Variants in NCALD observed in about 807,000 individuals in gnomAD.
NCALD encodes the protein neurocalcin-delta.
Under a neutral mutation model 18.6 loss-of-function variants are expected in NCALD, and 10 were observed. The ratio of observed to expected loss-of-function variants is 0.54; its 90% CI spans 0.33 to 0.91. The LOEUF (loss-of-function observed/expected upper bound fraction) is 0.91. Among genes scored for constraint, NCALD ranks in the 40% least tolerant of loss-of-function variants. The probability of loss-of-function intolerance (pLI) is 0.03; values close to 1 mark genes in which losing one functional copy is unlikely to be tolerated. For missense variants in NCALD, 184 were observed against 247.6 expected (o/e 0.74, Z 1.72); for synonymous variants, 88 against 87.4 (o/e 1.01, Z -0.04).
chr8:102,011,449 C>T (rs1048818294), intron 2 of NCALD, among the ~76,000 whole-genome samples: 1 of 152,174 alleles, frequency 6.6e-6, no homozygotes, highest in African/African-American at 2.4e-5. Context: ...CCCAGCTAGG[C>T]TGTAAGTTTC....
At chr8:102,046,491 C>A (rs1823244659) in intron 1 of NCALD, among the ~76,000 whole-genome samples, 1 of 152,062 alleles carries the variant, frequency 6.6e-6, no homozygotes, top group South Asian at 2.1e-4. Flanking sequence ...ATTCATCTCA[C>A]AATCAGTATT....
intron 3 of NCALD, chr8:101,690,561 A>C (rs896326338): frequency 1.0e-6 from 1 of 985,396 alleles, no homozygotes; most frequent in Non-Finnish European, 1.2e-6. Flanking sequence ...TCCAAACCTG[A>C]CAGGAGGGGG....
At chr8:101,998,846 T>C (rs1447396534) in intron 2 of NCALD, among the ~76,000 whole-genome samples, 1 of 152,168 alleles carries the variant, frequency 6.6e-6, no homozygotes, top group Non-Finnish European at 1.5e-5. Context: ...GATAAAGGTG[T>C]CCCTTTCCTG....
intron 2 of NCALD, among the ~76,000 whole-genome samples, chr8:101,924,183 G>A (rs1248649836): frequency 6.6e-6 from 1 of 152,082 alleles, no homozygotes; most frequent in Non-Finnish European, 1.5e-5. Flanking sequence ...AGATAAAAAT[G>A]GCTTTGAAAA....
chr8:102,028,617 G>A (rs1033991373), intron 1 of NCALD, among the ~76,000 whole-genome samples: 1 of 152,150 alleles, frequency 6.6e-6, no homozygotes, highest in Non-Finnish European at 1.5e-5. Context: ...AACTAATCTG[G>A]TTAGCATTTC....
Position 101,988,869 on chromosome 8 carries a change from C to T in NCALD, c.-157+31368G>A, listed in dbSNP as rs1295878374. On this transcript the variant is annotated intron_variant, in intron 2 of 6. Coordinates refer to the NCALD transcript ENST00000311028. ...GTTGCATGGGCCTTGGGGAAGATGG[C>T]TGGATAAATGAGCTAGACAGCAGGT... Among the ~76,000 whole-genome samples the T allele has an allele frequency of 8.3e-5, 10 of 120,998 alleles. 1 individual carries two copies. The Admixed American group carries it at 9.8e-4, about 12-fold the overall frequency. The allele number at this position is 120,998 out of a possible 152,430, so 79.4% of individuals were successfully genotyped here.
At chr8:102,114,107 C>T (rs552837397) in intron 1 of NCALD, among the ~76,000 whole-genome samples, 151 of 152,332 alleles carry the variant, frequency 9.9e-4, no homozygotes, top group South Asian at 1.9e-3. Flanking sequence ...CTCAAAACAG[C>T]CCTGTAAGTG....
intron 1 of NCALD, among the ~76,000 whole-genome samples, chr8:102,100,550 G>A (rs901697395): frequency 6.6e-6 from 1 of 152,250 alleles, no homozygotes; most frequent in Non-Finnish European, 1.5e-5. Context: ...GGAAATTTTT[G>A]AGAAAATCGT....
intron 2 of NCALD, among the ~76,000 whole-genome samples, chr8:101,924,370 C>T (rs2131668591): frequency 6.6e-6 from 1 of 152,286 alleles, no homozygotes; most frequent in Non-Finnish European, 1.5e-5. Context: ...CATTGAGCGG[C>T]ACAGTATATT....
rs758174055 is a variant in NCALD at position 102,116,706 on chromosome 8, C to T, written c.-210+7531G>A. Among the ~76,000 whole-genome samples, 7 of 151,960 alleles carry T rather than the reference C, an allele frequency of 4.6e-5. 1 individual carries two copies. Among genetic ancestry groups the T allele is most frequent in the Non-Finnish European group, 1.0e-4 (7 of 68,008 alleles). ...ATTTTTTGGTAGAGATGGGGTCTCACCTTGTTGGCCAGGCTGTTTTTGAAC... is the reference window on the plus strand; with the variant it reads ...ATTTTTTGGTAGAGATGGGGTCTCATCTTGTTGGCCAGGCTGTTTTTGAAC... On this transcript the variant is annotated intron_variant, in intron 1 of 6. Coordinates refer to the NCALD transcript ENST00000311028.
At chr8:102,022,173 G>A (rs951035729) in intron 1 of NCALD, among the ~76,000 whole-genome samples, 1 of 152,004 alleles carries the variant, frequency 6.6e-6, no homozygotes, top group Non-Finnish European at 1.5e-5. Flanking sequence ...CCCATTGATG[G>A]GATCCATGGA....
At chr8:101,758,206 C>A (rs1810965537) in intron 1 of NCALD, among the ~76,000 whole-genome samples, 1 of 152,174 alleles carries the variant, frequency 6.6e-6, no homozygotes, top group Non-Finnish European at 1.5e-5. Context: ...GCTTTGTAAT[C>A]TGGCCCCAGC....
chr8:101,711,431 A>T lies in NCALD; in HGVS notation c.378+7821T>A, dbSNP rs373319892. 6.6e-5 allele frequency among the ~76,000 whole-genome samples: 10 copies of T among 152,168 alleles called. No homozygotes were observed. In the East Asian group the frequency reaches 1.8e-3, roughly 27 times the overall value. On this transcript the variant is annotated intron_variant, in intron 2 of 3. Transcript: ENST00000220931. ...GACGGAGAATGAGTTTGACAAATTG[A>T]CAGAAGTAGGCTTCAGAAGGTGGGT... is the stretch of plus-strand genomic sequence containing the variant.
At chr8:102,029,487 A>G (rs762660023) in intron 1 of NCALD, among the ~76,000 whole-genome samples, 10 of 152,254 alleles carry the variant, frequency 6.6e-5, no homozygotes, top group Non-Finnish European at 8.8e-5. Flanking sequence ...ATAAGCCAAA[A>G]GAAATTGTCA....
chr8:101,941,265 T>G (rs1563917633), intron 2 of NCALD, among the ~76,000 whole-genome samples: 1 of 152,130 alleles, frequency 6.6e-6, no homozygotes, highest in Non-Finnish European at 1.5e-5. Context: ...CCTCAGATAA[T>G]CAGATCATCA....
rs139723686 is a variant in NCALD, at chr8:102,018,471, G to A, written c.-157+1766C>T. Among the ~76,000 whole-genome samples the A allele has an allele frequency of 4.9e-3, 739 of 152,208 alleles. 2 individuals carry two copies. The highest frequency in any genetic ancestry group is 0.016 in the African/African-American group (650 of 41,530). On this transcript the variant is annotated intron_variant, in intron 2 of 6. Coordinates refer to the NCALD transcript ENST00000311028. ...CATGGATGAATCTCAAAAAAAATGC[G>A]CCAAGTGAAAAAATCTGAAACAAAG...
At chr8:102,100,355 C>T (rs575303913) in intron 1 of NCALD, among the ~76,000 whole-genome samples, 26 of 152,104 alleles carry the variant, frequency 1.7e-4, no homozygotes, top group African/African-American at 6.3e-4. Context: ...GACATTAAAT[C>T]TTGAAAATCC....
intron 1 of NCALD, among the ~76,000 whole-genome samples, chr8:101,745,372 G>A (rs1251077822): frequency 6.6e-6 from 1 of 152,080 alleles, no homozygotes; most frequent in Non-Finnish European, 1.5e-5. Flanking sequence ...GAGATGTAGG[G>A]GGAGAAAATC....
intron 4 of NCALD, among the ~76,000 whole-genome samples, chr8:101,808,509 T>C (rs1355867340): frequency 1.3e-5 from 2 of 152,216 alleles, no homozygotes; most frequent in South Asian, 2.1e-4. Context: ...ATAGAATCTT[T>C]AGCTTGTTAA....
Sources: gnomAD v4.1 joint callset for allele counts (sites outside exome capture counted in the v4.1 genomes callset) on GRCh38, gnomAD v4.1.1 for gene constraint, MANE v1.5 for transcripts, NCBI Gene and HGNC (gene_info 2026-07-23, HGNC 2026-07-21) for gene names.